Variants in COMMD10 observed in about 807,000 individuals in gnomAD.
COMMD10 encodes the protein COMM domain containing 10.
A neutral mutation model predicts 28.9 loss-of-function variants in COMMD10; 33 were observed. That is an observed-to-expected ratio of 1.14 (90% CI 0.87 to 1.53). The LOEUF (loss-of-function observed/expected upper bound fraction) is 1.53. COMMD10 is among the 40% of genes most tolerant of loss of function. The pLI is 0.00. For missense variants in COMMD10, 310 were observed against 233.4 expected, an observed-to-expected ratio of 1.33 and a Z score of -2.14; for synonymous variants, 110 against 81.7, an observed-to-expected ratio of 1.35 and a Z score of -1.87.
intron 5 of COMMD10, among the ~76,000 whole-genome samples, chr5:116,285,972 C>G (rs982149230): frequency 6.6e-5 from 10 of 151,752 alleles, no homozygotes; most frequent in Non-Finnish European, 1.5e-4. Context: ...TAGAATTGTC[C>G]AGTGAAGCCA....
At chr5:116,277,452 G>A (rs780933838) in intron 5 of COMMD10, among the ~76,000 whole-genome samples, 14 of 151,736 alleles carry the variant, frequency 9.2e-5, no homozygotes, top group Non-Finnish European at 2.9e-5. Context: ...ATTTTCTTCT[G>A]GATAGTTACT....
At chr5:116,110,171 A>G (rs986646014) in intron 4 of COMMD10, among the ~76,000 whole-genome samples, 2 of 152,168 alleles carry the variant, frequency 1.3e-5, no homozygotes, top group African/African-American at 2.4e-5. Flanking sequence ...GATGAATCAC[A>G]TTTATTGACT....
At chr5:116,223,236 A>C (rs1749310270) in intron 5 of COMMD10, among the ~76,000 whole-genome samples, 1 of 152,050 alleles carries the variant, frequency 6.6e-6, no homozygotes. Context: ...AAATGTAAGG[A>C]AATCAAATCT....
intron 5 of COMMD10, among the ~76,000 whole-genome samples, chr5:116,145,718 G>A (rs747677573): frequency 6.6e-5 from 10 of 151,810 alleles, no homozygotes; most frequent in East Asian, 1.9e-4. Flanking sequence ...AATCATGAGG[G>A]TGGTTCCCCC....
chr5:116,134,768 C>T (rs981119429), intron 5 of COMMD10, among the ~76,000 whole-genome samples: 13 of 152,040 alleles, frequency 8.6e-5, no homozygotes, highest in African/African-American at 2.9e-4. Flanking sequence ...ACTACAGGCG[C>T]CTGCCACCTT....
intron 4 of COMMD10, among the ~76,000 whole-genome samples, chr5:116,094,227 A>T (rs1178460416): frequency 6.6e-6 from 1 of 152,226 alleles, no homozygotes; most frequent in Non-Finnish European, 1.5e-5. Context: ...AACAAAATGA[A>T]GACACAACCT....
Position 116,263,756 on chromosome 5 carries a change from C to T in COMMD10, c.511-27761C>T, listed in dbSNP as rs115377188. Reference sequence around the variant, plus strand: ...TTACCTATAGCCTGGAAGCTCCCCGCGCCCCTACTTTTTGTTCTCCTGCCT... The same window carrying T: ...TTACCTATAGCCTGGAAGCTCCCCGTGCCCCTACTTTTTGTTCTCCTGCCT... On this transcript the variant is annotated intron_variant, in intron 5 of 6. Coordinates refer to ENST00000274458, the MANE Select transcript of COMMD10 (RefSeq NM_016144.4). Among the ~76,000 whole-genome samples the T allele has an allele frequency of 1.7e-3, 262 of 151,868 alleles. 4 individuals are homozygous for T. Among genetic ancestry groups the T allele is most frequent in the African/African-American group, 5.9e-3 (245 of 41,270 alleles).
At chr5:116,231,017 TAAGGTTA>T in intron 5 of COMMD10, among the ~76,000 whole-genome samples, 1 of 152,268 alleles carries the variant, frequency 6.6e-6, no homozygotes, top group East Asian at 1.9e-4. Context: ...TCCTCTTTTT[TAAGGTTA>T]TTTCTGAGAC....
intron 5 of COMMD10, among the ~76,000 whole-genome samples, chr5:116,170,199 C>A (rs757281176): frequency 6.6e-6 from 1 of 152,104 alleles, no homozygotes; most frequent in Non-Finnish European, 1.5e-5. Flanking sequence ...CAATAATAGA[C>A]AAACTGAGAG....
intron 4 of COMMD10, among the ~76,000 whole-genome samples, chr5:116,127,820 A>T (rs777936220): frequency 1.3e-5 from 2 of 152,150 alleles, no homozygotes; most frequent in Non-Finnish European, 2.9e-5. Flanking sequence ...AGATATACCT[A>T]GTGTAAATGA....
chr5:116,103,511 G>GT (rs1004412621), intron 4 of COMMD10, among the ~76,000 whole-genome samples: 15 of 151,854 alleles, frequency 9.9e-5, no homozygotes, highest in African/African-American at 1.5e-4. Flanking sequence ...TTTTTGATGG[G>GT]TTTTTTTCTT....
intron 5 of COMMD10, among the ~76,000 whole-genome samples, chr5:116,237,098 A>T: frequency 6.6e-6 from 1 of 152,160 alleles, no homozygotes. Context: ...GACTGTGGCT[A>T]TCTGAATGAA....
intron 5 of COMMD10, among the ~76,000 whole-genome samples, chr5:116,189,979 G>C (rs374452058): frequency 2.6e-5 from 4 of 152,126 alleles, no homozygotes; most frequent in East Asian, 3.8e-4. Flanking sequence ...CCTGCTCTTA[G>C]AGTAGGGCTA....
chr5:116,090,425 G>C (rs140008108), intron 2 of COMMD10, among the ~76,000 whole-genome samples: 2 of 152,180 alleles, frequency 1.3e-5, no homozygotes, highest in Admixed American at 1.3e-4. Flanking sequence ...AACTTGCATA[G>C]CTGGGAACTT....
At chr5:116,172,552 T>C (rs1256210398) in intron 5 of COMMD10, among the ~76,000 whole-genome samples, 1 of 152,104 alleles carries the variant, frequency 6.6e-6, no homozygotes, top group Non-Finnish European at 1.5e-5. Context: ...GTCGGAAATA[T>C]TTAAGTGTTT....
intron 5 of COMMD10, among the ~76,000 whole-genome samples, chr5:116,204,095 C>T (rs1748748772): frequency 6.6e-6 from 1 of 152,028 alleles, no homozygotes; most frequent in Non-Finnish European, 1.5e-5. Flanking sequence ...GCATCCTAGT[C>T]TCTGATAAAA....
At chr5:116,219,525 G>T (rs745808246) in intron 5 of COMMD10, among the ~76,000 whole-genome samples, 2 of 152,120 alleles carry the variant, frequency 1.3e-5, no homozygotes, top group African/African-American at 4.8e-5. Context: ...AAGGTGGTAC[G>T]ATCACTAAGG....
At chr5:116,107,334 C>T (rs140939322) in intron 4 of COMMD10, among the ~76,000 whole-genome samples, 6 of 152,166 alleles carry the variant, frequency 3.9e-5, no homozygotes, top group Non-Finnish European at 8.8e-5. Flanking sequence ...TAGATTTGGT[C>T]TTTTCACATA....
At chr5:116,127,352 G>T (rs141952526) in intron 4 of COMMD10, among the ~76,000 whole-genome samples, 21 of 152,288 alleles carry the variant, frequency 1.4e-4, no homozygotes, top group African/African-American at 4.6e-4. Context: ...TTCAACCATC[G>T]TGGAAGACAG....
Sources: allele counts gnomAD v4.1 joint callset (sites outside exome capture counted in the v4.1 genomes callset), GRCh38; gene constraint gnomAD v4.1.1; transcripts MANE v1.5; gene names NCBI Gene and HGNC (gene_info 2026-07-23, HGNC 2026-07-21).